Variants in NRXN3 observed in about 807,000 individuals in gnomAD.
The protein encoded by NRXN3 is neurexin 3.
NRXN3 carries 32 observed loss-of-function variants against 137.6 expected under a neutral mutation model. That is an observed-to-expected ratio of 0.23 (90% CI 0.18 to 0.31). The LOEUF (loss-of-function observed/expected upper bound fraction) is 0.31. NRXN3 is among the 10% of genes least tolerant of loss of function. NRXN3 has a pLI of 1.00. For synonymous variants in NRXN3, 798 were observed against 784.5 expected, an observed-to-expected ratio of 1.02 and a Z score of -0.29; for missense variants, 1,574 against 2,062.5, an observed-to-expected ratio of 0.76 and a Z score of 4.59.
chr14:78,556,830 A>G (rs2096741278), intron 4 of NRXN3, among the ~76,000 whole-genome samples: 1 of 151,526 alleles, frequency 6.6e-6, no homozygotes, highest in African/African-American at 2.4e-5. Context: ...TGATGGTAAA[A>G]AAAAAATACA....
chr14:79,486,708 A>G (rs2096658647), intron 16 of NRXN3, among the ~76,000 whole-genome samples: 1 of 152,222 alleles, frequency 6.6e-6, no homozygotes, highest in African/African-American at 2.4e-5. Context: ...CCAGCCTTCT[A>G]ATTTATCAGA....
intron 4 of NRXN3, among the ~76,000 whole-genome samples, chr14:78,491,444 G>A (rs1243749616): frequency 6.6e-6 from 1 of 152,164 alleles, no homozygotes; most frequent in African/African-American, 2.4e-5. Context: ...AGAGAGGAAG[G>A]AAGATTTGCA....
intron 8 of NRXN3, among the ~76,000 whole-genome samples, chr14:78,738,535 A>T (rs1023989883): frequency 5.9e-5 from 9 of 152,104 alleles, no homozygotes; most frequent in African/African-American, 1.9e-4. Flanking sequence ...CTTCAGAGGA[A>T]CCAGAAGCAC....
chr14:79,592,910 G>A (rs2097820648), intron 16 of NRXN3, among the ~76,000 whole-genome samples: 1 of 152,172 alleles, frequency 6.6e-6, no homozygotes, highest in Admixed American at 6.5e-5. Context: ...CTGTGGGTCT[G>A]ATGAAAAATA....
intron 16 of NRXN3, among the ~76,000 whole-genome samples, chr14:79,541,304 A>G (rs1450079141): frequency 6.6e-6 from 1 of 152,092 alleles, no homozygotes; most frequent in Non-Finnish European, 1.5e-5. Flanking sequence ...TCAGGAGGCC[A>G]TGGCAAAAGA....
chr14:78,711,738 G>T (rs2152840382), intron 7 of NRXN3, among the ~76,000 whole-genome samples: 1 of 152,198 alleles, frequency 6.6e-6, no homozygotes, highest in East Asian at 1.9e-4. Context: ...ACTGTGCCAG[G>T]CCTGGCCAGT....
At chr14:79,231,199 T>C (rs1336544828) in intron 15 of NRXN3, among the ~76,000 whole-genome samples, 1 of 152,142 alleles carries the variant, frequency 6.6e-6, no homozygotes. Context: ...TTTTATTTTA[T>C]TGGGTAGAAG....
intron 15 of NRXN3, among the ~76,000 whole-genome samples, chr14:79,281,324 G>A (rs1372483512): frequency 6.6e-6 from 1 of 152,068 alleles, no homozygotes; most frequent in Non-Finnish European, 1.5e-5. Context: ...CACAATACAG[G>A]TACGATGGGT....
chr14:78,734,507 G>C (rs2098532660), intron 8 of NRXN3, among the ~76,000 whole-genome samples: 1 of 152,194 alleles, frequency 6.6e-6, no homozygotes, highest in South Asian at 2.1e-4. Flanking sequence ...TGGGCAAAAT[G>C]TGATGCATCT....
chr14:79,665,950 G>T (rs1343004463), intron 17 of NRXN3, among the ~76,000 whole-genome samples: 1 of 152,074 alleles, frequency 6.6e-6, no homozygotes, highest in African/African-American at 2.4e-5. Context: ...TCAGGACAGG[G>T]TACAGTATAG....
intron 6 of NRXN3, among the ~76,000 whole-genome samples, chr14:78,682,132 C>T (rs1034396569): frequency 6.6e-6 from 1 of 152,116 alleles, no homozygotes; most frequent in Non-Finnish European, 1.5e-5. Flanking sequence ...TCCCAAAGTG[C>T]TGGGATTACA....
At chr14:79,145,102 C>T (rs1196984092) in intron 15 of NRXN3, among the ~76,000 whole-genome samples, 1 of 152,088 alleles carries the variant, frequency 6.6e-6, no homozygotes, top group Non-Finnish European at 1.5e-5. Flanking sequence ...GCCCTGTCTG[C>T]TCATCAAGGG....
At chr14:78,852,841 T>C (rs1019838329) in intron 10 of NRXN3, among the ~76,000 whole-genome samples, 3 of 152,012 alleles carry the variant, frequency 2.0e-5, no homozygotes, top group Non-Finnish European at 2.9e-5. Context: ...ATCATGTATA[T>C]AGTGTGTAAC....
At chr14:78,200,276 A>G (rs932246) in intron 1 of NRXN3, among the ~76,000 whole-genome samples, 36,981 of 152,078 alleles carry the variant, frequency 0.24, 4,905 homozygotes, top group Non-Finnish European at 0.3. Context: ...GAGTTGTCTT[A>G]ATTGGGCAGA....
chr14:79,841,762 A>C (rs2099356325), intron 20 of NRXN3, among the ~76,000 whole-genome samples: 1 of 152,230 alleles, frequency 6.6e-6, no homozygotes, highest in Non-Finnish European at 1.5e-5. Flanking sequence ...TGAGTTTTCC[A>C]GTGCATATTC....
intron 4 of NRXN3, among the ~76,000 whole-genome samples, chr14:78,435,569 A>G (rs1041770351): frequency 6.6e-6 from 1 of 152,202 alleles, no homozygotes; most frequent in Non-Finnish European, 1.5e-5. Context: ...ACTTAGAGCA[A>G]TAAATGTTCT....
rs890055747 is a variant in NRXN3, at chr14:79,613,662, A to G, written c.3445-50116A>G. 2.0e-5 allele frequency among the ~76,000 whole-genome samples: 3 copies of G among 152,228 alleles called. No individual in the cohort carries two copies. The East Asian group carries it at 5.8e-4, about 29-fold the overall frequency. ...CTACCAAATCCTAAAAGATTTAACTAACTGGCTCACTAACCAATGCACACA... is the reference window on the plus strand; with the variant it reads ...CTACCAAATCCTAAAAGATTTAACTGACTGGCTCACTAACCAATGCACACA... On this transcript the variant is annotated intron_variant, in intron 16 of 20. Transcript: ENST00000335750.
At chr14:79,168,594 C>A (rs976803781) in intron 15 of NRXN3, among the ~76,000 whole-genome samples, 4 of 151,862 alleles carry the variant, frequency 2.6e-5, no homozygotes, top group African/African-American at 7.3e-5. Context: ...TATTCTCCCC[C>A]ACAAGGCCAA....
At chr14:79,738,080 T>C (rs1186367322) in intron 19 of NRXN3, among the ~76,000 whole-genome samples, 2 of 152,146 alleles carry the variant, frequency 1.3e-5, no homozygotes, top group Admixed American at 6.5e-5. Context: ...TAGCTGGGAA[T>C]GTCACCATGC....
Sources: allele counts gnomAD v4.1 joint callset (sites outside exome capture counted in the v4.1 genomes callset), GRCh38; gene constraint gnomAD v4.1.1; transcripts MANE v1.5; gene names NCBI Gene and HGNC (gene_info 2026-07-23, HGNC 2026-07-21).